ETNK1: variants seen among roughly 807,000 people sequenced by gnomAD.
ETNK1 encodes the protein putative protein product of Nbla10396.
Under a neutral mutation model 45.1 loss-of-function variants are expected in ETNK1, and 8 were observed. The observed-to-expected ratio is 0.18, with a 90% CI of 0.10 to 0.32. The LOEUF (loss-of-function observed/expected upper bound fraction) is 0.32. ETNK1 is among the 10% of genes least tolerant of loss of function. The pLI is 1.00. For missense variants in ETNK1, 302 were observed against 430.6 expected (o/e 0.70, Z 2.64); for synonymous variants, 152 against 151.9 (o/e 1.00, Z -0.01).
At chr12:22,671,047 A>G in intron 4 of ETNK1, 2 of 427,642 alleles carry the variant, frequency 4.7e-6, no homozygotes, top group South Asian at 3.6e-5. Context: ...AAAAGTGGAC[A>G]TTAGTGTTTA....
chr12:22,654,316 C>A (rs1953914144), intron 2 of ETNK1, among the ~76,000 whole-genome samples: 1 of 152,116 alleles, frequency 6.6e-6, no homozygotes, highest in Admixed American at 6.5e-5. Flanking sequence ...AATTCTGAGA[C>A]CTGTAGATAC....
rs773750334 is a variant in ETNK1 at position 22,659,041 on chromosome 12, C to T, written c.444C>T (p.Ile148=). 4 of 1,613,448 alleles carry T rather than the reference C, an allele frequency of 2.5e-6. No homozygotes were observed. The African/African-American group carries it at 5.3e-5, about 22-fold the overall frequency. The change falls in exon 3 of 8, where the codon ATC becomes ATT. Residue 148 remains isoleucine, a synonymous_variant. Coordinates refer to ENST00000266517, the MANE Select transcript of ETNK1 (RefSeq NM_018638.5). Reference sequence around the variant, plus strand: ...TAATAGCTCGTCAGCTTGCTAAAATCCATGCTATTCATGCACACAATGGCT... The same window carrying T: ...TAATAGCTCGTCAGCTTGCTAAAATTCATGCTATTCATGCACACAATGGCT... ...FRLIARQLAK[I]HAIHAHNGWI...
intron 6 of ETNK1, among the ~76,000 whole-genome samples, chr12:22,676,433 G>C (rs985517757): frequency 6.6e-6 from 1 of 152,006 alleles, no homozygotes; most frequent in African/African-American, 2.4e-5. Flanking sequence ...GTTGGTTCCA[G>C]GTCTTTGCTA....
intron 6 of ETNK1, among the ~76,000 whole-genome samples, chr12:22,682,975 A>G (rs1045376972): frequency 6.6e-6 from 1 of 152,208 alleles, no homozygotes; most frequent in Admixed American, 6.5e-5. Flanking sequence ...ATAGAAGACC[A>G]TTTTTGAAAA....
At chr12:22,637,646 T>C (rs527993919) in intron 1 of ETNK1, among the ~76,000 whole-genome samples, 3 of 152,204 alleles carry the variant, frequency 2.0e-5, no homozygotes, top group African/African-American at 4.8e-5. Flanking sequence ...GTCACTAATA[T>C]AGAGAGTACA....
chr12:22,664,697 G>GT (rs1954037485), intron 4 of ETNK1, among the ~76,000 whole-genome samples: 1 of 152,032 alleles, frequency 6.6e-6, no homozygotes, highest in Non-Finnish European at 1.5e-5. Flanking sequence ...GCCATGTTGA[G>GT]TCTTTTGAGA....
chr12:22,651,731 C>G (rs562820800), intron 2 of ETNK1, among the ~76,000 whole-genome samples: 6 of 146,338 alleles, frequency 4.1e-5, no homozygotes, highest in Admixed American at 1.4e-4. Flanking sequence ...GTCGCCCAGC[C>G]TGGTGTGCAG....
Position 22,684,882 on chromosome 12 carries a change from G to C in ETNK1, c.1020G>C (p.Gly340=). ...TTTTGTTGTTCTCTTTTCTCACTAG[G>C]TATGCAATTGTTCGTTTTAACCAGT... ...KYSTIEFDFL[G]YAIVRFNQYF... Residue 340 remains glycine, a splice_region_variant and synonymous_variant, in exon 8 of 8, where the codon GGG becomes GGC. Coordinates refer to ENST00000266517, the MANE Select transcript of ETNK1 (RefSeq NM_018638.5). 1 of 1,601,254 alleles carries C rather than the reference G, an allele frequency of 6.2e-7. No homozygotes were observed. The highest frequency in any genetic ancestry group is 8.5e-7 in the Non-Finnish European group (1 of 1,175,790).
chr12:22,638,099 A>G (rs958460794), intron 1 of ETNK1, among the ~76,000 whole-genome samples: 2 of 152,170 alleles, frequency 1.3e-5, no homozygotes, highest in Admixed American at 6.5e-5. Flanking sequence ...ATTGAATACA[A>G]AATTCTCTTG....
At chr12:22,648,317 G>A (rs1020782948) in intron 2 of ETNK1, among the ~76,000 whole-genome samples, 1 of 151,924 alleles carries the variant, frequency 6.6e-6, no homozygotes, top group Non-Finnish European at 1.5e-5. Context: ...ACTGTTAGTA[G>A]TATCATACAG....
At chr12:22,658,987 C>G in intron 2 of ETNK1, 27 bp from the exon 3 acceptor site, 2 of 1,596,766 alleles carry the variant, frequency 1.3e-6, no homozygotes, top group South Asian at 1.1e-5. Flanking sequence ...TTAAGTTTTT[C>G]TTTTTATGCG....
intron 1 of ETNK1, chr12:22,626,179 T>C (rs1953492431): frequency 4.8e-6 from 1 of 207,710 alleles, no homozygotes. Context: ...ATTAAAGTCG[T>C]CTTACTGAAA....
chr12:22,682,466 G>C (rs993835323), intron 6 of ETNK1: 1 of 277,092 alleles, frequency 3.6e-6, no homozygotes, highest in South Asian at 3.1e-5. Flanking sequence ...CATTAAAAAT[G>C]TGCAAATTCA....
intron 1 of ETNK1, among the ~76,000 whole-genome samples, chr12:22,640,377 T>C (rs1239389131): frequency 1.3e-5 from 2 of 151,654 alleles, no homozygotes; most frequent in African/African-American, 4.8e-5. Flanking sequence ...TGAATGGCAT[T>C]TCTAACTAAA....
intron 4 of ETNK1, among the ~76,000 whole-genome samples, chr12:22,666,434 A>G (rs1022301437): frequency 2.0e-5 from 3 of 152,170 alleles, no homozygotes; most frequent in East Asian, 3.8e-4. Flanking sequence ...AATATTGCCT[A>G]TGACTAACTT....
chr12:22,648,274 G>T (rs1953832329), intron 2 of ETNK1, among the ~76,000 whole-genome samples: 1 of 151,858 alleles, frequency 6.6e-6, no homozygotes, highest in South Asian at 2.1e-4. Context: ...TGTACATTCT[G>T]TGGGTTTGGG....
chr12:22,651,682 CTTT>C (rs35611431), intron 2 of ETNK1, among the ~76,000 whole-genome samples: 5,808 of 130,474 alleles, frequency 0.045, 222 homozygotes, highest in African/African-American at 0.16. Flanking sequence ...AATTCTATCC[CTTT>C]TTTTTTTTTT....
At chr12:22,640,636 GT>G (rs1170119062) in intron 1 of ETNK1, among the ~76,000 whole-genome samples, 1 of 152,072 alleles carries the variant, frequency 6.6e-6, no homozygotes, top group East Asian at 1.9e-4. Flanking sequence ...GCCAAGCACT[GT>G]TCTAAGTACT....
At chr12:22,663,556 G>T (rs1954027622) in intron 4 of ETNK1, among the ~76,000 whole-genome samples, 1 of 152,032 alleles carries the variant, frequency 6.6e-6, no homozygotes, top group Non-Finnish European at 1.5e-5. Flanking sequence ...TATTTAAGTG[G>T]TCACTTATCT....
Sources: gnomAD v4.1 joint callset for allele counts (sites outside exome capture counted in the v4.1 genomes callset) on GRCh38, gnomAD v4.1.1 for gene constraint, MANE v1.5 for transcripts, NCBI Gene and HGNC (gene_info 2026-07-23, HGNC 2026-07-21) for gene names.